The following UNC80 variants were observed in gnomAD, a reference collection of about 807,000 sequenced individuals.
UNC80 encodes unc-80 subunit of NALCN channel complex.
In UNC80, 164 loss-of-function variants were observed where a neutral mutation model predicts 384.6. The ratio of observed to expected loss-of-function variants is 0.43; its 90% CI spans 0.38 to 0.49. The LOEUF (loss-of-function observed/expected upper bound fraction) is 0.49. Ranked by LOEUF, UNC80 falls within the 20% of genes least tolerant of loss-of-function variation. UNC80 has a pLI of 0.00. For synonymous variants in UNC80, 1,486 were observed against 1,527.8 expected, an observed-to-expected ratio of 0.97 and a Z score of 0.64; for missense variants, 3,330 against 4,143.0, an observed-to-expected ratio of 0.80 and a Z score of 5.39.
chr2:209,939,343 T>C, intron 42 of UNC80, 129 bp from the exon 43 acceptor site: 2 of 929,392 alleles, frequency 2.2e-6, no homozygotes, highest in Non-Finnish European at 3.1e-6. Flanking sequence ...CTCCCTCATT[T>C]CACTTTTTCC....
At chr2:209,920,764 C>G (rs1433200488) in intron 33 of UNC80, among the ~76,000 whole-genome samples, 1 of 152,060 alleles carries the variant, frequency 6.6e-6, no homozygotes, top group Non-Finnish European at 1.5e-5. Context: ...TGAGAGATCT[C>G]TCTTTCTTTG....
At chr2:209,918,696 T>A (rs2089768001) in intron 33 of UNC80, 33 bp downstream of exon 33, 3 of 1,518,458 alleles carry the variant, frequency 2.0e-6, no homozygotes, top group East Asian at 5.0e-5. Flanking sequence ...TTCCATGGTG[T>A]ACGTGTAAAA....
At position 209,959,572 on chromosome 2, in the gene UNC80, G is replaced by A; in HGVS notation, c.7670G>A (p.Arg2557Lys). The A allele has an allele frequency of 6.4e-7, 1 of 1,551,732 alleles. No individual in the cohort carries two copies. Among genetic ancestry groups the A allele is most frequent in the Non-Finnish European group, 8.7e-7 (1 of 1,147,002 alleles). Reference sequence around the variant, plus strand: ...CGAATTGCTCGGGAAGAGTTCAGAAGACCCCGGGAGTCCTTACTGAATATT... The same window carrying A: ...CGAATTGCTCGGGAAGAGTTCAGAAAACCCCGGGAGTCCTTACTGAATATT... ...DERIAREEFRRPRESLLNICT... is the reference protein window; with the variant it reads ...DERIAREEFRKPRESLLNICT... Residue 2557 changes from arginine (R) to lysine (K), a missense_variant, in exon 51 of 65, where the codon AGA becomes AAA. Physicochemically the swap from Arg to Lys is conservative, Grantham distance 26. This residue lies in a region of UNC80 where 1,049 missense variants were observed against 1,488.6 expected (regional missense o/e 0.70). Coordinates refer to ENST00000673920, the MANE Select transcript of UNC80 (RefSeq NM_001371986.1).
chr2:209,971,093 G>C, intron 54 of UNC80, 136 bp downstream of exon 54: 2 of 1,233,716 alleles, frequency 1.6e-6, no homozygotes, highest in Non-Finnish European at 2.2e-6. Flanking sequence ...AACTTTTATA[G>C]ATTTGGAGCT....
At chr2:209,831,921 G>C (rs1352592915) in intron 16 of UNC80, among the ~76,000 whole-genome samples, 1 of 152,102 alleles carries the variant, frequency 6.6e-6, no homozygotes. Flanking sequence ...AAATACTAAA[G>C]AATGTTATCC....
chr2:209,995,453 C>A lies in UNC80; in HGVS notation c.9833C>A (p.Ser3278Tyr), dbSNP rs1347681487. 5.8e-6 allele frequency: 9 copies of A among 1,551,910 alleles called. No individual in the cohort carries two copies. In the East Asian group the frequency reaches 2.2e-4, roughly 38 times the overall value. The change falls in exon 65 of 65, where the codon TCC (serine) becomes TAC (tyrosine). Residue 3278 changes from serine to tyrosine, a missense_variant. By Grantham distance (144) the Ser-to-Tyr change is moderately radical. Transcript: ENST00000673920. ...DPDDFTGLETSSLLQHGDTVL... is the reference protein window; with the variant it reads ...DPDDFTGLETYSLLQHGDTVL... ...GATGACTTCACAGGCCTCGAGACAT[C>A]CAGCCTCCTACAGCATGGAGACACT...
chr2:209,827,813 A>C (rs974154676), intron 14 of UNC80, among the ~76,000 whole-genome samples: 1 of 152,182 alleles, frequency 6.6e-6, no homozygotes, highest in African/African-American at 2.4e-5. Flanking sequence ...TTCTTCCAAG[A>C]AACAGAAGGT....
intron 8 of UNC80, 91 bp downstream of exon 8, chr2:209,813,932 T>TA: frequency 6.9e-7 from 1 of 1,443,016 alleles, no homozygotes; most frequent in Non-Finnish European, 9.2e-7. Flanking sequence ...TTAGGTACTC[T>TA]AGTGCTGACT....
At position 209,793,943 on chromosome 2, in the gene UNC80, T is replaced by C. The variant is rs191088173; in HGVS notation, c.938+84T>C. ...CATTTTTAACTACTTCGATAGCCTC[T>C]GTTCCTTAAAATATGTATTTGCATA... On this transcript the variant is annotated intron_variant, in intron 7 of 64. Coordinates refer to ENST00000673920, the MANE Select transcript of UNC80 (RefSeq NM_001371986.1). The C allele has an allele frequency of 4.1e-4, 620 of 1,511,806 alleles. 2 individuals carry two copies. The African/African-American group carries it at 7.8e-3, about 19-fold the overall frequency. 93.6% of individuals were successfully genotyped at this position (1,511,806 alleles called of 1,614,324 possible). A position where few individuals can be genotyped will look rare whatever the true frequency, so the allele number is the denominator to read the frequency against.
chr2:209,808,997 G>C, intron 7 of UNC80: 1 of 326,306 alleles, frequency 3.1e-6, no homozygotes, highest in Non-Finnish European at 5.8e-6. Context: ...CCAACTGCCA[G>C]GGCCTCCCTC....
intron 45 of UNC80, 24 bp downstream of exon 45, chr2:209,943,538 A>G (rs1262172179): frequency 1.3e-6 from 2 of 1,549,852 alleles, no homozygotes; most frequent in Non-Finnish European, 1.7e-6. Flanking sequence ...GTGGGAAAAA[A>G]AAATGAAGAC....
intron 7 of UNC80, chr2:209,809,524 C>T: frequency 9.4e-7 from 1 of 1,065,190 alleles, no homozygotes; most frequent in Non-Finnish European, 1.5e-6. Flanking sequence ...AACCTTCTCC[C>T]GAATGGCCCT....
Position 209,917,955 on chromosome 2 carries a change from T to C in UNC80, c.5208T>C (p.Phe1736=), listed in dbSNP as rs1471928721. The stretch of plus-strand genomic sequence containing the variant: ...TGGAGGAAGGGGCACAGCAGATTTT[T>C]AAGGTGAGGGATACTTCTCACAGAG... ...PRMEEGAQQI[F]KIPPPSINFT... The change falls in exon 32 of 65, where the codon TTT becomes TTC. Residue 1736 remains phenylalanine (F), a synonymous_variant. Transcript: ENST00000673920. The C allele has an allele frequency of 1.3e-6, 2 of 1,551,586 alleles. No individual in the cohort carries two copies.
chr2:209,964,706 T>G (rs944635935), intron 51 of UNC80, among the ~76,000 whole-genome samples: 1 of 150,618 alleles, frequency 6.6e-6, no homozygotes. Context: ...GAGAATCGCT[T>G]GTACCGGGAG....
Position 209,786,206 on chromosome 2 carries a change from C to T in UNC80, c.724+17C>T, listed in dbSNP as rs1264175650. The T allele has an allele frequency of 6.2e-7, 1 of 1,611,800 alleles. No homozygotes were observed. Among genetic ancestry groups the T allele is most frequent in the Non-Finnish European group, 8.5e-7 (1 of 1,178,836 alleles). ...TCATTACAGGTTTGTAACTTGGACA[C>T]TCAGTAGGACAGTATTAGCAGATTC... On this transcript the variant is annotated intron_variant, in intron 5 of 64. Coordinates refer to ENST00000673920, the MANE Select transcript of UNC80 (RefSeq NM_001371986.1).
At chr2:209,890,383 C>G (rs1352453432) in intron 26 of UNC80, among the ~76,000 whole-genome samples, 2 of 152,212 alleles carry the variant, frequency 1.3e-5, no homozygotes, top group Admixed American at 6.5e-5. Context: ...TCTGACTTAC[C>G]CACCTCACCC....
At chr2:209,953,205 G>A (rs1327517701) in intron 47 of UNC80, among the ~76,000 whole-genome samples, 4 of 151,928 alleles carry the variant, frequency 2.6e-5, no homozygotes, top group Admixed American at 1.3e-4. Context: ...ATTGCGTGAG[G>A]CCAAGAGTTT....
At position 209,842,457 on chromosome 2, in the gene UNC80, T is replaced by C. The variant is rs761284731; in HGVS notation, c.3454+11T>C. 9.2e-6 allele frequency: 14 copies of C among 1,527,592 alleles called. No individual in the cohort carries two copies. Among genetic ancestry groups the C allele is most frequent in the Non-Finnish European group, 8.9e-6 (10 of 1,126,602 alleles). The allele number at this position is 1,527,592 out of a possible 1,614,324, so 94.6% of individuals were successfully genotyped here. On this transcript the variant is annotated intron_variant, in intron 21 of 64. Transcript: ENST00000673920. ...TCTTCAAGCGTCTTGGTAAATGTCA[T>C]GCATCCTAAGAATTCTATTCAACTT...
At chr2:209,855,307 AG>A (rs962077178) in intron 22 of UNC80, among the ~76,000 whole-genome samples, 1 of 152,082 alleles carries the variant, frequency 6.6e-6, no homozygotes, top group African/African-American at 2.4e-5. Flanking sequence ...CAGCAGGGTT[AG>A]GGGGGCAGGG....
Sources: gnomAD v4.1 joint callset for allele counts (sites outside exome capture counted in the v4.1 genomes callset) on GRCh38, gnomAD v4.1.1 for gene constraint, gnomAD v4.1.1 regional missense constraint, MANE v1.5 for transcripts, NCBI Gene and HGNC (gene_info 2026-07-23, HGNC 2026-07-21) for gene names.